CFAP184: variants seen among roughly 807,000 people sequenced by gnomAD.
The protein encoded by CFAP184 is cilia and flagella associated protein 184, also known as cilia- and flagella-associated protein 184.
the CFAP184 span, chr4:7,041,966 T>C: frequency 6.2e-7 from 1 of 1,612,436 alleles, no homozygotes; most frequent in Non-Finnish European, 8.5e-7. Flanking sequence ...CGCCACTCCT[T>C]CTCCACCCTG....
the CFAP184 span, chr4:7,042,790 T>A: frequency 6.4e-7 from 1 of 1,551,970 alleles, no homozygotes; most frequent in East Asian, 2.4e-5. Flanking sequence ...CTCCTCCTCC[T>A]CCTCCTCCGG....
the CFAP184 span, chr4:7,042,841 C>T: frequency 1.3e-6 from 2 of 1,574,972 alleles, no homozygotes; most frequent in Non-Finnish European, 8.6e-7. Context: ...GGTCGGAGGG[C>T]CAGAGCTGGC....
chr4:7,041,322 G>A, the CFAP184 span: 24 of 1,613,628 alleles, frequency 1.5e-5, no homozygotes, highest in Non-Finnish European at 1.9e-5. Context: ...TCACGCCTCT[G>A]CAGGACAAAG....
At chr4:7,042,382 T>G in the CFAP184 span, 1 of 1,611,936 alleles carries the variant, frequency 6.2e-7, no homozygotes, top group Non-Finnish European at 8.5e-7. Flanking sequence ...TCCTTCCCCA[T>G]CCCTCTCCTT....
At chr4:7,041,486 G>A in the CFAP184 span, 2 of 1,614,060 alleles carry the variant, frequency 1.2e-6, no homozygotes, top group Non-Finnish European at 1.7e-6. Context: ...AGCCCCTCTC[G>A]GGCTTGCTTC....
chr4:7,042,348 C>G, the CFAP184 span: 5 of 1,608,660 alleles, frequency 3.1e-6, no homozygotes, highest in Non-Finnish European at 4.2e-6. Context: ...GGCGCTTCCC[C>G]TCTTCCTGGC....
chr4:7,041,244 T>C, the CFAP184 span: 1 of 1,538,154 alleles, frequency 6.5e-7, no homozygotes, highest in Middle Eastern at 1.8e-4. Flanking sequence ...GGATGAAGTG[T>C]TTTGCAGACT....
chr4:7,042,548 GCTCCAGTTCCTCCGCCCCCGC>G, the CFAP184 span: 1 of 1,577,872 alleles, frequency 6.3e-7, no homozygotes, highest in Non-Finnish European at 8.6e-7. Flanking sequence ...TCTGCCGCCT[GCTCCAGTTCCTCCGCCCCCGC>G]CTCCGCCTCT....
chr4:7,042,609 C>A, the CFAP184 span: 1 of 1,515,916 alleles, frequency 6.6e-7, no homozygotes, highest in Admixed American at 2.1e-5. Context: ...CGGGCTCCGG[C>A]TGGGCGGGCT....
the CFAP184 span, chr4:7,042,963 C>T: frequency 7.1e-7 from 1 of 1,399,432 alleles, no homozygotes; most frequent in South Asian, 1.7e-5. Context: ...GCCAGCGCAG[C>T]GGACCCCGGC....
the CFAP184 span, chr4:7,042,689 G>A: frequency 6.6e-7 from 1 of 1,509,320 alleles, no homozygotes; most frequent in Non-Finnish European, 8.8e-7. Context: ...GGCTCTCCAG[G>A]CCCCTCCTCG....
the CFAP184 span, chr4:7,042,312 G>C: frequency 6.3e-7 from 1 of 1,594,886 alleles, no homozygotes; most frequent in South Asian, 1.1e-5. Flanking sequence ...ACCACTCGAG[G>C]TCCTCAAACT....
At chr4:7,042,817 C>T in the CFAP184 span, 1 of 1,567,328 alleles carries the variant, frequency 6.4e-7, no homozygotes. Context: ...CTCCAGCTCC[C>T]CGGGTTCGGG....
chr4:7,041,674 A>G, the CFAP184 span: 3 of 1,614,040 alleles, frequency 1.9e-6, no homozygotes, highest in Middle Eastern at 1.6e-4. Flanking sequence ...TCGTTCCTCA[A>G]TTTTCTCATT....
chr4:7,042,750 C>T, the CFAP184 span: 8 of 1,527,422 alleles, frequency 5.2e-6, no homozygotes, highest in African/African-American at 1.4e-5. Flanking sequence ...CCTGCTCGTC[C>T]GCGGCGGTGC....
At chr4:7,041,891 C>G in the CFAP184 span, 148 of 1,611,888 alleles carry the variant, frequency 9.2e-5, 1 homozygote, top group Non-Finnish European at 1.2e-4. Flanking sequence ...GCCTGGCGCC[C>G]GCCCCTCATC....
the CFAP184 span, chr4:7,042,119 C>T: frequency 6.2e-7 from 1 of 1,607,504 alleles, no homozygotes; most frequent in Non-Finnish European, 8.5e-7. Context: ...GCCTCGGCCT[C>T]TGCGCCCCGG....
At chr4:7,041,681 C>T in the CFAP184 span, 4 of 1,614,212 alleles carry the variant, frequency 2.5e-6, no homozygotes, top group South Asian at 1.1e-5. Context: ...TCAATTTTCT[C>T]ATTGAAGGTT....
the CFAP184 span, chr4:7,041,250 A>T: frequency 6.5e-6 from 10 of 1,543,060 alleles, no homozygotes; most frequent in Non-Finnish European, 8.7e-6. Context: ...AGTGTTTTGC[A>T]GACTCTTCTC....
Sources: allele counts gnomAD v4.1 joint callset, GRCh38; gene constraint gnomAD v4.1.1; transcripts MANE v1.5; gene names NCBI Gene and HGNC (gene_info 2026-07-23, HGNC 2026-07-21).